The following CELA2B variants were observed in gnomAD, a reference collection of about 807,000 sequenced individuals.
The protein encoded by CELA2B is chymotrypsin like elastase 2B, also known as chymotrypsin-like elastase family member 2B.
Under a neutral mutation model 36.5 loss-of-function variants are expected in CELA2B, and 27 were observed. The observed-to-expected ratio is 0.74, with a 90% CI of 0.55 to 1.02. The LOEUF (loss-of-function observed/expected upper bound fraction) is 1.02, where lower values mean the gene tolerates loss of function less well. Among genes scored for constraint, CELA2B ranks in the 50% least tolerant of loss-of-function variants. The pLI is 0.00. For synonymous variants in CELA2B, 143 were observed against 148.5 expected (o/e 0.96, Z 0.27); for missense variants, 340 against 347.8 (o/e 0.98, Z 0.18).
At chr1:15,478,916 C>T (rs1213079217) in intron 2 of CELA2B, among the ~76,000 whole-genome samples, 1 of 152,088 alleles carries the variant, frequency 6.6e-6, no homozygotes, top group Non-Finnish European at 1.5e-5. Context: ...TGCACCGTGG[C>T]TTATGTTCCC....
chr1:15,490,528 G>T (rs867340273), intron 7 of CELA2B, among the ~76,000 whole-genome samples: 4 of 152,294 alleles, frequency 2.6e-5, no homozygotes, highest in South Asian at 2.1e-4. Flanking sequence ...TGTAGCAGCT[G>T]GATATCCTGC....
In CELA2B at chr1:15,478,230, T is replaced by TATATATATATATATATA. The variant is rs1557523207; in HGVS notation, c.129+1685_129+1686insATATATATATATATATA. 6.1e-5 allele frequency among the ~76,000 whole-genome samples: 9 copies of TATATATATATATATATA among 147,642 alleles called. No homozygotes were observed. In the East Asian group the frequency reaches 1.6e-3, roughly 26 times the overall value. ...TATATATATATATTGGGATATATAG[T>TATATATATATATATATA]TTGTTTGTTTGTTTGTTTTTGTTTT... On this transcript the variant is annotated intron_variant, in intron 2 of 7. Transcript: ENST00000375910.
intron 3 of CELA2B, chr1:15,481,744 T>G (rs989112783): frequency 2.1e-6 from 1 of 469,728 alleles, no homozygotes; most frequent in Non-Finnish European, 4.4e-6. Context: ...CCGGAGTTTC[T>G]GCCGGGTCAG....
chr1:15,490,934 C>G (rs1364470723), intron 7 of CELA2B: 1 of 271,574 alleles, frequency 3.7e-6, no homozygotes. Flanking sequence ...GCCCCAACCA[C>G]AGTGCATAAC....
intron 3 of CELA2B, chr1:15,481,529 CA>C (rs1055244853): frequency 5.7e-6 from 3 of 527,820 alleles, no homozygotes; most frequent in Admixed American, 4.7e-5. Context: ...CTCAAAGCTT[CA>C]ATACCATCAC....
At position 15,485,888 on chromosome 1, in the gene CELA2B, T is replaced by C; in HGVS notation, c.494-13T>C. 1.2e-6 allele frequency: 2 copies of C among 1,614,116 alleles called. No individual in the cohort carries two copies. Among genetic ancestry groups the C allele is most frequent in the Non-Finnish European group, 1.7e-6 (2 of 1,179,990 alleles). On this transcript the variant is annotated splice_polypyrimidine_tract_variant and intron_variant, in intron 5 of 7. Coordinates refer to ENST00000375910, the MANE Select transcript of CELA2B (RefSeq NM_015849.3). ...CCCTGCGTCCCTAATGGCTTCTCTCTGGTCTCATTCAGCCAACGGGGCTCT... is the reference window on the plus strand; with the variant it reads ...CCCTGCGTCCCTAATGGCTTCTCTCCGGTCTCATTCAGCCAACGGGGCTCT...
rs1708861490 is a variant in CELA2B, at chr1:15,490,220, A to ATC, written c.793-1074_793-1073insCT. On this transcript the variant is annotated intron_variant, in intron 7 of 7. Transcript: ENST00000375910. ...GTGTGGTCTTCTCAACTTTATGTGC[A>ATC]TATCTATCTATCTATCTATCTATCT... 2.7e-5 allele frequency among the ~76,000 whole-genome samples: 4 copies of ATC among 148,626 alleles called. No individual in the cohort carries two copies. In the South Asian group the frequency reaches 6.5e-4, roughly 24 times the overall value.
chr1:15,486,016 T>A lies in CELA2B; in HGVS notation c.609T>A (p.Ala203=), dbSNP rs1367671978. The A allele has an allele frequency of 6.2e-7, 1 of 1,613,910 alleles. No homozygotes were observed. Among genetic ancestry groups the A allele is most frequent in the Non-Finnish European group, 8.5e-7 (1 of 1,179,954 alleles). ...CCGTGAAGACGAATATGATCTGTGC[T>A]GGGGGTGATGGCGTGATATGCACCT... ...GSTVKTNMIC[A]GGDGVICTCN... Residue 203 remains alanine (A), a synonymous_variant, in exon 6 of 8, where the codon GCT becomes GCA. Transcript: ENST00000375910.
At chr1:15,481,256 G>C in intron 3 of CELA2B, 61 bp downstream of exon 3, 1 of 1,592,580 alleles carries the variant, frequency 6.3e-7, no homozygotes, top group Non-Finnish European at 8.6e-7. Flanking sequence ...TCTGAGCTGG[G>C]GGCTCAAATG....
At chr1:15,480,256 C>G (rs772310951) in intron 2 of CELA2B, among the ~76,000 whole-genome samples, 2 of 152,098 alleles carry the variant, frequency 1.3e-5, no homozygotes, top group African/African-American at 2.4e-5. Flanking sequence ...CTCTGTCACC[C>G]AGGCTGAGCA....
At chr1:15,484,246 C>A (rs1389880394) in intron 5 of CELA2B, among the ~76,000 whole-genome samples, 1 of 152,118 alleles carries the variant, frequency 6.6e-6, no homozygotes, top group Non-Finnish European at 1.5e-5. Flanking sequence ...GAGAACCCGG[C>A]TGAGGGTGGG....
chr1:15,483,310 G>A lies in CELA2B; in HGVS notation c.403G>A (p.Asp135Asn), dbSNP rs773571189. The A allele has an allele frequency of 1.7e-5, 28 of 1,613,856 alleles. No homozygotes were observed. The highest frequency in any genetic ancestry group is 3.3e-4 in the Middle Eastern group (2 of 6,056). ...LKLANPVSLT[D>N]KIQLACLPPA... ...ACTGGCTAACCCCGTCTCCCTCACC[G>A]ACAAGATCCAGCTGGCCTGCCTCCC... The change falls in exon 5 of 8, where the codon GAC becomes AAC. Residue 135 changes from aspartate (D) to asparagine (N), a missense_variant. Asp to Asn is a conservative substitution (Grantham distance 23). Coordinates refer to ENST00000375910, the MANE Select transcript of CELA2B (RefSeq NM_015849.3).
At chr1:15,490,258 A>ATC (rs769929989) in intron 7 of CELA2B, among the ~76,000 whole-genome samples, 12,696 of 142,324 alleles carry the variant, frequency 0.089, 556 homozygotes, top group East Asian at 0.23. Context: ...CTATCTATCT[A>ATC]TATACACACA....
At chr1:15,477,239 A>T (rs1251022374) in intron 2 of CELA2B, among the ~76,000 whole-genome samples, 5 of 152,234 alleles carry the variant, frequency 3.3e-5, no homozygotes, top group Non-Finnish European at 4.4e-5. Context: ...ATTCATCTTT[A>T]ACTACAGGCA....
At chr1:15,481,615 T>G (rs747084200) in intron 3 of CELA2B, 2 of 478,276 alleles carry the variant, frequency 4.2e-6, no homozygotes, top group Non-Finnish European at 8.6e-6. Context: ...ACTTATTAAG[T>G]GCTCAATGAA....
At chr1:15,490,940 A>G (rs534121468) in intron 7 of CELA2B, 8 of 310,744 alleles carry the variant, frequency 2.6e-5, no homozygotes, top group African/African-American at 1.7e-4. Context: ...ACCACAGTGC[A>G]TAACTGCCTT....
At chr1:15,480,325 T>A (rs1024938906) in intron 2 of CELA2B, among the ~76,000 whole-genome samples, 1 of 152,170 alleles carries the variant, frequency 6.6e-6, no homozygotes, top group Non-Finnish European at 1.5e-5. Context: ...TCCTCCCATC[T>A]CAGCCTCCTG....
intron 5 of CELA2B, among the ~76,000 whole-genome samples, chr1:15,485,337 C>G (rs1708791568): frequency 6.6e-6 from 1 of 152,172 alleles, no homozygotes; most frequent in Non-Finnish European, 1.5e-5. Context: ...CTTCACCACA[C>G]CCAAGGAGGG....
chr1:15,477,498 CATTTT>C (rs1255030163), intron 2 of CELA2B, among the ~76,000 whole-genome samples: 3 of 152,132 alleles, frequency 2.0e-5, no homozygotes, highest in African/African-American at 4.8e-5. Flanking sequence ...ATGCTGTAAA[CATTTT>C]ATTTTAGACT....
Sources: allele counts gnomAD v4.1 joint callset (sites outside exome capture counted in the v4.1 genomes callset), GRCh38; gene constraint gnomAD v4.1.1; transcripts MANE v1.5; gene names NCBI Gene and HGNC (gene_info 2026-07-23, HGNC 2026-07-21).